The following LRMDA variants were observed in gnomAD, a reference collection of about 807,000 sequenced individuals.
LRMDA encodes the protein leucine-rich melanocyte differentiation-associated protein.
In LRMDA, 18 loss-of-function variants were observed where a neutral mutation model predicts 29.8. The observed-to-expected ratio is 0.60, with a 90% confidence interval of 0.42 to 0.90. LRMDA has a LOEUF of 0.90. LRMDA is among the 40% of genes least tolerant of loss of function. The pLI, the probability that LRMDA is intolerant of heterozygous loss-of-function variation, is 0.00. For missense variants in LRMDA, 273 were observed against 273.9 expected (o/e 1.00, Z 0.02); for synonymous variants, 125 against 109.4 (o/e 1.14, Z -0.89).
At chr10:76,052,766 C>T (rs1848551505) in intron 4 of LRMDA, among the ~76,000 whole-genome samples, 1 of 152,044 alleles carries the variant, frequency 6.6e-6, no homozygotes, top group Non-Finnish European at 1.5e-5. Flanking sequence ...TCCCAGGATC[C>T]CTGCTCTCCT....
intron 2 of LRMDA, among the ~76,000 whole-genome samples, chr10:75,647,104 C>T (rs1208334957): frequency 6.6e-6 from 1 of 152,176 alleles, no homozygotes; most frequent in Non-Finnish European, 1.5e-5. Context: ...CCCGGACCTC[C>T]CCGGCTCTTG....
At chr10:76,181,021 G>A (rs1429475208) in intron 5 of LRMDA, among the ~76,000 whole-genome samples, 1 of 152,122 alleles carries the variant, frequency 6.6e-6, no homozygotes, top group Non-Finnish European at 1.5e-5. Context: ...TGCTATAAGA[G>A]TGCCACTGTG....
intron 2 of LRMDA, among the ~76,000 whole-genome samples, chr10:75,791,770 T>C (rs1011163549): frequency 6.6e-6 from 1 of 152,016 alleles, no homozygotes; most frequent in East Asian, 1.9e-4. Context: ...GAAAAAGGTA[T>C]ATATGGTAAT....
At chr10:76,050,024 C>A (rs896860248) in intron 4 of LRMDA, among the ~76,000 whole-genome samples, 1 of 152,270 alleles carries the variant, frequency 6.6e-6, no homozygotes, top group African/African-American at 2.4e-5. Context: ...ACCCATGGTT[C>A]ATTTAGTGCT....
At chr10:76,442,577 C>T (rs1202344269) in intron 6 of LRMDA, among the ~76,000 whole-genome samples, 1 of 152,046 alleles carries the variant, frequency 6.6e-6, no homozygotes, top group Non-Finnish European at 1.5e-5. Flanking sequence ...CCTGTGGTCC[C>T]AGCTACTCAG....
At chr10:75,608,507 G>T (rs1840987763) in intron 2 of LRMDA, among the ~76,000 whole-genome samples, 1 of 152,032 alleles carries the variant, frequency 6.6e-6, no homozygotes, top group African/African-American at 2.4e-5. Context: ...ACAAAAAATG[G>T]TAACTATGTG....
rs564824976 is a variant in LRMDA, at chr10:76,332,679, T to C, written c.601+8194T>C. Reference sequence around the variant, plus strand: ...CAGGGTGGAAGGTTCTAAATGTGCTTATGTTTTAGAGTCCTGGGCTGTTTC... The same window carrying C: ...CAGGGTGGAAGGTTCTAAATGTGCTCATGTTTTAGAGTCCTGGGCTGTTTC... On this transcript the variant is annotated intron_variant, in intron 6 of 6. Coordinates refer to ENST00000611255, the MANE Select transcript of LRMDA (RefSeq NM_001305581.2). Among the ~76,000 whole-genome samples the C allele has an allele frequency of 1.2e-4, 18 of 152,322 alleles. No homozygotes were observed. The East Asian group carries it at 3.5e-3, about 29-fold the overall frequency.
intron 6 of LRMDA, among the ~76,000 whole-genome samples, chr10:76,451,820 G>C (rs1283207467): frequency 6.6e-6 from 1 of 151,784 alleles, no homozygotes; most frequent in Non-Finnish European, 1.5e-5. Context: ...ACCACACCCA[G>C]CAAATTTTGT....
intron 2 of LRMDA, among the ~76,000 whole-genome samples, chr10:75,897,817 CTTTTTTTTTTTT>C (rs3042518): frequency 5.1e-5 from 4 of 78,420 alleles, no homozygotes; most frequent in East Asian, 4.6e-4. Context: ...TTCTTCCTGC[CTTTTTTTTTTTT>C]TTTTTTTTTT....
At chr10:76,165,527 C>T (rs1369943432) in intron 5 of LRMDA, among the ~76,000 whole-genome samples, 1 of 152,210 alleles carries the variant, frequency 6.6e-6, no homozygotes, top group Non-Finnish European at 1.5e-5. Flanking sequence ...CAGCCCCAGC[C>T]TCTCAAAGTG....
At chr10:76,215,369 C>T (rs1851710848) in intron 5 of LRMDA, among the ~76,000 whole-genome samples, 1 of 152,060 alleles carries the variant, frequency 6.6e-6, no homozygotes. Context: ...TTCAGCTATC[C>T]CCATATCTGG....
chr10:76,405,725 T>G (rs1481292786), intron 6 of LRMDA, among the ~76,000 whole-genome samples: 2 of 152,208 alleles, frequency 1.3e-5, no homozygotes, highest in Non-Finnish European at 2.9e-5. Flanking sequence ...CTTTTGCTAG[T>G]TATTCATTCA....
intron 2 of LRMDA, among the ~76,000 whole-genome samples, chr10:75,731,832 G>A (rs910234240): frequency 6.6e-6 from 1 of 152,246 alleles, no homozygotes; most frequent in Admixed American, 6.5e-5. Context: ...TAATGTAACA[G>A]GATTCTTATA....
intron 2 of LRMDA, among the ~76,000 whole-genome samples, chr10:75,952,270 A>G (rs1846589688): frequency 6.6e-6 from 1 of 152,200 alleles, no homozygotes. Flanking sequence ...CTGAATGACA[A>G]TGAAAGTAAT....
chr10:75,486,980 A>G (rs535619129), intron 2 of LRMDA, among the ~76,000 whole-genome samples: 2 of 152,334 alleles, frequency 1.3e-5, no homozygotes, highest in East Asian at 3.9e-4. Context: ...CAGTTTTTGA[A>G]CATTAATCAG....
At chr10:76,388,007 T>A (rs571010625) in intron 6 of LRMDA, among the ~76,000 whole-genome samples, 1 of 152,274 alleles carries the variant, frequency 6.6e-6, no homozygotes, top group South Asian at 2.1e-4. Flanking sequence ...GTAGATATAG[T>A]TAGTTTGAAG....
chr10:76,494,643 GCTTA>G (rs1468733028), intron 6 of LRMDA, among the ~76,000 whole-genome samples: 2 of 151,258 alleles, frequency 1.3e-5, no homozygotes, highest in Non-Finnish European at 3.0e-5. Context: ...TTTCTCTACT[GCTTA>G]CTTAGTGTTT....
chr10:75,897,393 C>A (rs1040744762), intron 2 of LRMDA, among the ~76,000 whole-genome samples: 1 of 152,160 alleles, frequency 6.6e-6, no homozygotes, highest in Non-Finnish European at 1.5e-5. Flanking sequence ...AAGTGGGGAA[C>A]ACAAGGCCAG....
In LRMDA at chr10:75,691,002, C is replaced by T. The variant is rs968821440; in HGVS notation, c.131+252508C>T. On this transcript the variant is annotated intron_variant, in intron 2 of 6. Coordinates refer to ENST00000611255, the MANE Select transcript of LRMDA (RefSeq NM_001305581.2). ...AAATATATATATATATATACACACACACACACACACACACACACACACACA... is the reference window on the plus strand; with the variant it reads ...AAATATATATATATATATACACACATACACACACACACACACACACACACA... Among the ~76,000 whole-genome samples the T allele has an allele frequency of 1.4e-3, 191 of 136,328 alleles. 1 individual carries two copies. The highest frequency in any genetic ancestry group is 4.9e-3 in the African/African-American group (176 of 35,828). The allele number at this position is 136,328 out of a possible 152,430, so 89.4% of individuals were successfully genotyped here.
Sources: gnomAD v4.1 joint callset for allele counts (sites outside exome capture counted in the v4.1 genomes callset) on GRCh38, gnomAD v4.1.1 for gene constraint, MANE v1.5 for transcripts, NCBI Gene and HGNC (gene_info 2026-07-23, HGNC 2026-07-21) for gene names.